Variants in STX16 observed in about 807,000 individuals in gnomAD.
STX16 encodes the protein syntaxin-16.
In STX16, 28 loss-of-function variants were observed where a neutral mutation model predicts 42.7. That is an observed-to-expected ratio of 0.66 (90% CI 0.49 to 0.90). STX16 has a LOEUF of 0.90. STX16 is among the 40% of genes least tolerant of loss of function. The pLI is 0.00. For missense variants in STX16, 361 were observed against 420.9 expected (o/e 0.86, Z 1.24); for synonymous variants, 156 against 155.2 (o/e 1.00, Z -0.04).
At chr20:58,672,517 C>T (rs900363543) in intron 7 of STX16, among the ~76,000 whole-genome samples, 34 of 151,924 alleles carry the variant, frequency 2.2e-4, no homozygotes, top group Admixed American at 1.9e-3. Context: ...AATCCCAAAT[C>T]CAAAACACTT....
chr20:58,659,685 T>C (rs777941057), intron 2 of STX16, 51 bp downstream of exon 2: 26 of 1,595,430 alleles, frequency 1.6e-5, no homozygotes, highest in African/African-American at 2.7e-5. Flanking sequence ...GTTTATAAAA[T>C]ACCTACTTTT....
intron 1 of STX16, among the ~76,000 whole-genome samples, chr20:58,655,476 G>A (rs1197383706): frequency 6.6e-6 from 1 of 152,090 alleles, no homozygotes; most frequent in Non-Finnish European, 1.5e-5. Context: ...AGGAGGATAC[G>A]CAGTGACCAG....
intron 1 of STX16, among the ~76,000 whole-genome samples, chr20:58,653,512 T>G (rs1568810224): frequency 6.6e-6 from 1 of 151,900 alleles, no homozygotes; most frequent in South Asian, 2.1e-4. Context: ...AGTTGAAGGG[T>G]TTTTTTTACA....
At chr20:58,656,070 C>G (rs906773878) in intron 1 of STX16, among the ~76,000 whole-genome samples, 1 of 152,194 alleles carries the variant, frequency 6.6e-6, no homozygotes, top group Non-Finnish European at 1.5e-5. Flanking sequence ...GAATTGAGGC[C>G]TAAGTCCTGT....
chr20:58,671,426 A>ATC, intron 7 of STX16, 129 bp downstream of exon 7: 2 of 476,788 alleles, frequency 4.2e-6, no homozygotes, highest in African/African-American at 3.4e-5. Flanking sequence ...CCTGTCCTTT[A>ATC]TGTGTGTGTG....
At chr20:58,665,857 T>C (rs1435117365) in intron 2 of STX16, among the ~76,000 whole-genome samples, 1 of 152,190 alleles carries the variant, frequency 6.6e-6, no homozygotes, top group African/African-American at 2.4e-5. Flanking sequence ...TAAGATGCGT[T>C]CCCTGAGTGG....
At position 58,652,147 on chromosome 20, in the gene STX16, C is replaced by T. The variant is rs2083471655; in HGVS notation, c.132+9C>T. 3.1e-6 allele frequency: 5 copies of T among 1,613,258 alleles called. No homozygotes were observed. The highest frequency in any genetic ancestry group is 3.4e-6 in the Non-Finnish European group (4 of 1,179,934). ...CACGTAGCATTGCTGCGGTGAGTCT[C>T]CTGGCGGCCTCTCCGACACACGGAC... On this transcript the variant is annotated intron_variant, in intron 1 of 8. Transcript: ENST00000371141.
intron 4 of STX16, among the ~76,000 whole-genome samples, chr20:58,668,660 G>C (rs745981464): frequency 2.0e-5 from 3 of 151,550 alleles, no homozygotes; most frequent in Non-Finnish European, 4.4e-5. Flanking sequence ...TGGAACCCTG[G>C]CTCTTAGCAG....
Position 58,659,611 on chromosome 20 carries a change from A to G in STX16, c.133-12A>G, listed in dbSNP as rs763206086. On this transcript the variant is annotated splice_polypyrimidine_tract_variant and intron_variant, in intron 1 of 8. Transcript: ENST00000371141. ...ACTGGATGGGACTGATGGGGACAAC[A>G]TGTCTCTTCAGGAGCTGGACGAGGT... is the stretch of plus-strand genomic sequence containing the variant. 2 of 1,612,844 alleles carry G rather than the reference A, an allele frequency of 1.2e-6. No individual in the cohort carries two copies. Among genetic ancestry groups the G allele is most frequent in the South Asian group, 2.2e-5 (2 of 90,734 alleles).
chr20:58,674,370 AC>A (rs909895917), intron 8 of STX16, among the ~76,000 whole-genome samples: 2 of 152,168 alleles, frequency 1.3e-5, no homozygotes, highest in African/African-American at 4.8e-5. Flanking sequence ...AACGGCTGAG[AC>A]TCTCATATAT....
In STX16 at chr20:58,667,538, G is replaced by C; in HGVS notation, c.193G>C (p.Glu65Gln). The C allele has an allele frequency of 6.2e-7, 1 of 1,614,198 alleles. No homozygotes were observed. Among genetic ancestry groups the C allele is most frequent in the Non-Finnish European group, 8.5e-7 (1 of 1,180,044 alleles). ...ALVSGISLDP[E>Q]AAIGVTKRPP... Reference sequence around the variant, plus strand: ...GGTGTCAGGCATCAGCTTAGATCCAGAAGCAGCGATTGGTGTGACAAAACG... The same window carrying C: ...GGTGTCAGGCATCAGCTTAGATCCACAAGCAGCGATTGGTGTGACAAAACG... Residue 65 changes from glutamate to glutamine, a missense_variant, in exon 3 of 9, where the codon GAA becomes CAA. Glu to Gln is a conservative substitution (Grantham distance 29). Transcript: ENST00000371141.
At chr20:58,655,581 C>T (rs1280176427) in intron 1 of STX16, among the ~76,000 whole-genome samples, 1 of 152,146 alleles carries the variant, frequency 6.6e-6, no homozygotes, top group Non-Finnish European at 1.5e-5. Context: ...CTTATTTGGC[C>T]ATGGTGTATG....
intron 2 of STX16, among the ~76,000 whole-genome samples, chr20:58,665,273 G>A (rs1156508059): frequency 6.6e-6 from 1 of 152,228 alleles, no homozygotes; most frequent in Non-Finnish European, 1.5e-5. Context: ...TGACACTAAC[G>A]TCACTCACTG....
Position 58,677,033 on chromosome 20 carries a change from G to GGTTA in STX16, c.*743_*746dup, listed in dbSNP as rs1431999345. The GGTTA allele has an allele frequency of 6.6e-6, 1 of 152,526 alleles. No individual in the cohort carries two copies. Among genetic ancestry groups the GGTTA allele is most frequent in the Admixed American group, 6.5e-5 (1 of 15,272 alleles). The allele number at this position is 152,526 out of a possible 1,614,324, so 9.4% of individuals were successfully genotyped here. On this transcript the variant is annotated 3_prime_UTR_variant, in exon 9 of 9. Transcript: ENST00000371141. Reference sequence around the variant, plus strand: ...GCATTTTCTACTGTAAACCAAAAGAGGTTACTAAGCAAAACCACCTAAATT... The same window carrying GGTTA: ...GCATTTTCTACTGTAAACCAAAAGAGGTTAGTTACTAAGCAAAACCACCTAAATT...
intron 8 of STX16, among the ~76,000 whole-genome samples, chr20:58,675,509 G>A (rs2084090910): frequency 6.6e-6 from 1 of 152,228 alleles, no homozygotes; most frequent in South Asian, 2.1e-4. Context: ...CGAGCTTCCA[G>A]GATGCGGTGT....
At chr20:58,652,173 C>G (rs912287853) in intron 1 of STX16, 35 bp downstream of exon 1, 1 of 1,611,526 alleles carries the variant, frequency 6.2e-7, no homozygotes, top group Admixed American at 1.7e-5. Flanking sequence ...ACACACGGAC[C>G]GTGTGCACTG....
chr20:58,651,314 G>C lies in STX16; in HGVS notation c.-693G>C, dbSNP rs149351460. On this transcript the variant is annotated 5_prime_UTR_variant, in exon 1 of 9. Transcript: ENST00000371141. ...GGGGATGGAGGGAGCCGGAGAAGAG[G>C]AGTGAGAAGGCCGGGGAGGCAGGCC... 2 of 153,334 alleles carry C rather than the reference G, an allele frequency of 1.3e-5. No individual in the cohort carries two copies. The highest frequency in any genetic ancestry group is 3.8e-4 in the East Asian group (2 of 5,208). 9.5% of individuals were successfully genotyped at this position (153,334 alleles called of 1,614,324 possible).
At chr20:58,653,909 C>T (rs1365692167) in intron 1 of STX16, among the ~76,000 whole-genome samples, 2 of 149,486 alleles carry the variant, frequency 1.3e-5, no homozygotes, top group South Asian at 2.1e-4. Flanking sequence ...GTATCTGAGA[C>T]GGGAAGCTTT....
chr20:58,652,340 C>A, intron 1 of STX16: 1 of 743,140 alleles, frequency 1.3e-6, no homozygotes, highest in Non-Finnish European at 2.3e-6. Flanking sequence ...GCAGCTCCAC[C>A]TCTGCCCGGT....
Sources: gnomAD v4.1 joint callset for allele counts (sites outside exome capture counted in the v4.1 genomes callset) on GRCh38, gnomAD v4.1.1 for gene constraint, MANE v1.5 for transcripts, NCBI Gene and HGNC (gene_info 2026-07-23, HGNC 2026-07-21) for gene names.